Variants in ATG7 observed in about 807,000 individuals in gnomAD.
The protein encoded by ATG7 is autophagy related 7, also known as ubiquitin-like modifier-activating enzyme ATG7.
Under a neutral mutation model 82.4 loss-of-function variants are expected in ATG7, and 70 were observed. The ratio of observed to expected loss-of-function variants is 0.85; its 90% confidence interval spans 0.70 to 1.04. The LOEUF is 1.04. Ranked by LOEUF, ATG7 falls within the 50% of genes least tolerant of loss-of-function variation. ATG7 has a pLI of 0.00. For synonymous variants in ATG7, 287 were observed against 313.0 expected, an observed-to-expected ratio of 0.92 and a Z score of 0.88; for missense variants, 792 against 864.3, an observed-to-expected ratio of 0.92 and a Z score of 1.05.
intron 13 of ATG7, among the ~76,000 whole-genome samples, chr3:11,346,241 C>T (rs1045087468): frequency 6.6e-6 from 1 of 152,288 alleles, no homozygotes; most frequent in South Asian, 2.1e-4. Context: ...GAACCCTTCT[C>T]CTAATGTTCA....
chr3:11,400,363 G>A (rs954074829), intron 19 of ATG7, among the ~76,000 whole-genome samples: 6 of 147,810 alleles, frequency 4.1e-5, no homozygotes, highest in South Asian at 2.3e-4. Flanking sequence ...ATAGGGGTAG[G>A]CCAATAAATC....
At position 11,511,741 on chromosome 3, in the gene ATG7, G is replaced by A. The variant is rs541394251; in HGVS notation, c.2080-43070G>A. Among the ~76,000 whole-genome samples the A allele has an allele frequency of 4.7e-4, 72 of 152,288 alleles. No individual in the cohort carries two copies. The East Asian group carries it at 0.012, about 26-fold the overall frequency. ...GGCTGCAGGTCCTGAGCCCTGCCCC[G>A]AGGGAAGGCAGCTAAGGCCCAGCGA... is the stretch of plus-strand genomic sequence containing the variant. On this transcript the variant is annotated intron_variant, in intron 20 of 20. Coordinates refer to ENST00000693202, the MANE Select transcript of ATG7 (RefSeq NM_001349232.2).
chr3:11,554,475 G>C (rs780030414), intron 20 of ATG7, among the ~76,000 whole-genome samples: 28 of 152,208 alleles, frequency 1.8e-4, no homozygotes, highest in Non-Finnish European at 3.8e-4. Flanking sequence ...CTGGCTTGGG[G>C]TGGGGGTGAG....
At chr3:11,322,256 TC>T (rs1950312802) in intron 9 of ATG7, among the ~76,000 whole-genome samples, 2 of 152,190 alleles carry the variant, frequency 1.3e-5, no homozygotes, top group African/African-American at 4.8e-5. Context: ...AATAATGCTT[TC>T]CTTTTTCTGT....
At chr3:11,573,239 GAAAT>G in the ATG7 span, among the ~76,000 whole-genome samples, 22 of 71,080 alleles carry the variant, frequency 3.1e-4, 2 homozygotes, top group South Asian at 8.3e-3. Context: ...AGAAAGAAAA[GAAAT>G]AGAGAAAGAA....
chr3:11,482,772 C>T (rs1410185627), intron 20 of ATG7, among the ~76,000 whole-genome samples: 1 of 151,022 alleles, frequency 6.6e-6, no homozygotes, highest in Non-Finnish European at 1.5e-5. Context: ...CTTTTCAACC[C>T]TTTTATTATC....
intron 20 of ATG7, among the ~76,000 whole-genome samples, chr3:11,532,800 G>T (rs373187047): frequency 6.6e-6 from 1 of 152,332 alleles, no homozygotes; most frequent in East Asian, 1.9e-4. Context: ...GCAAGGATGG[G>T]TCTAGATACT....
At chr3:11,443,918 C>T (rs1270858935) in intron 20 of ATG7, among the ~76,000 whole-genome samples, 1 of 152,108 alleles carries the variant, frequency 6.6e-6, no homozygotes, top group Non-Finnish European at 1.5e-5. Flanking sequence ...ACTCTCGTTG[C>T]CCTTCACCCA....
rs563339101 is a variant in ATG7 at position 11,506,419 on chromosome 3, C to T, written c.2080-48392C>T. On this transcript the variant is annotated intron_variant, in intron 20 of 20. Coordinates refer to ENST00000693202, the MANE Select transcript of ATG7 (RefSeq NM_001349232.2). Reference sequence around the variant, plus strand: ...ACTGTATTGGACAGCACAGATAAAACATTTCCATCATTGGTTGGGTGTGGT... The same window carrying T: ...ACTGTATTGGACAGCACAGATAAAATATTTCCATCATTGGTTGGGTGTGGT... Among the ~76,000 whole-genome samples the T allele has an allele frequency of 1.5e-3, 229 of 152,198 alleles. 1 individual carries two copies. Among genetic ancestry groups the T allele is most frequent in the Non-Finnish European group, 3.0e-3 (202 of 68,002 alleles).
intron 20 of ATG7, chr3:11,477,015 G>A: frequency 9.5e-7 from 1 of 1,051,948 alleles, no homozygotes; most frequent in Non-Finnish European, 1.3e-6. Flanking sequence ...GTTTTCCGAT[G>A]GCAGTCATTA....
intron 20 of ATG7, among the ~76,000 whole-genome samples, chr3:11,478,126 G>T (rs1024679823): frequency 1.3e-5 from 2 of 152,132 alleles, no homozygotes; most frequent in Non-Finnish European, 2.9e-5. Flanking sequence ...TCCTGTGACC[G>T]ACAGTCTTGT....
At chr3:11,279,127 C>T (rs1051914939) in intron 1 of ATG7, among the ~76,000 whole-genome samples, 2 of 152,174 alleles carry the variant, frequency 1.3e-5, no homozygotes, top group Admixed American at 1.3e-4. Context: ...CTAGTGCTGT[C>T]ATCTAACCCT....
intron 20 of ATG7, among the ~76,000 whole-genome samples, chr3:11,515,129 G>A (rs1462618728): frequency 3.3e-5 from 5 of 151,954 alleles, no homozygotes; most frequent in African/African-American, 7.3e-5. Context: ...ATGAGCCACC[G>A]CGCCTGGCCT....
intron 20 of ATG7, among the ~76,000 whole-genome samples, chr3:11,486,343 G>A (rs900813900): frequency 4.6e-5 from 7 of 152,144 alleles, no homozygotes; most frequent in African/African-American, 1.4e-4. Flanking sequence ...CTGTTTGTCT[G>A]TTATTGCTGT....
rs1027059797 is a variant in ATG7, at chr3:11,272,398, G to C, written c.-398G>C. The C allele has an allele frequency of 6.6e-6, 1 of 152,548 alleles. No individual in the cohort carries two copies. Among genetic ancestry groups the C allele is most frequent in the Non-Finnish European group, 1.5e-5 (1 of 68,158 alleles). 9.4% of individuals were successfully genotyped at this position (152,548 alleles called of 1,614,324 possible). A position where few individuals can be genotyped will look rare whatever the true frequency, so the allele number is the denominator to read the frequency against. On this transcript the variant is annotated 5_prime_UTR_variant, in exon 1 of 21. Transcript: ENST00000693202. Reference sequence around the variant, plus strand: ...TTGCGTCATCGGGGCGCGCGCCTCAGAGAGAGCTGTGGTTGCCGGAAGTTG... The same window carrying C: ...TTGCGTCATCGGGGCGCGCGCCTCACAGAGAGCTGTGGTTGCCGGAAGTTG...
At chr3:11,452,780 T>C (rs1559655033) in intron 20 of ATG7, among the ~76,000 whole-genome samples, 1 of 152,228 alleles carries the variant, frequency 6.6e-6, no homozygotes, top group South Asian at 2.1e-4. Flanking sequence ...GGCACTTTTC[T>C]TGATAGGAGA....
At chr3:11,540,717 C>A (rs1458558958) in intron 20 of ATG7, among the ~76,000 whole-genome samples, 1 of 151,658 alleles carries the variant, frequency 6.6e-6, no homozygotes, top group East Asian at 1.9e-4. Flanking sequence ...TTCTCAATGT[C>A]TTTGGCTTGC....
At chr3:11,537,649 A>G (rs187303096) in intron 20 of ATG7, among the ~76,000 whole-genome samples, 35 of 152,226 alleles carry the variant, frequency 2.3e-4, no homozygotes, top group Non-Finnish European at 4.4e-4. Flanking sequence ...CAATCCCAAG[A>G]GGGCTCTCAC....
chr3:11,390,019 C>CT (rs2078663618), intron 19 of ATG7, among the ~76,000 whole-genome samples: 1 of 152,146 alleles, frequency 6.6e-6, no homozygotes, highest in South Asian at 2.1e-4. Context: ...CACAAAGGAC[C>CT]TTGAAGGGAG....
Sources: gnomAD v4.1 joint callset for allele counts (sites outside exome capture counted in the v4.1 genomes callset) on GRCh38, gnomAD v4.1.1 for gene constraint, MANE v1.5 for transcripts, NCBI Gene and HGNC (gene_info 2026-07-23, HGNC 2026-07-21) for gene names.